Variants in CFAP20DC observed in about 807,000 individuals in gnomAD.
The protein encoded by CFAP20DC is protein CFAP20DC.
CFAP20DC carries 84 observed loss-of-function variants against 101.7 expected under a neutral mutation model. That is an observed-to-expected ratio of 0.83 (90% CI 0.69 to 0.99). CFAP20DC has a LOEUF of 0.99. Among genes scored for constraint, CFAP20DC ranks in the 50% least tolerant of loss-of-function variants. The probability of loss-of-function intolerance (pLI) is 0.00; values close to 1 mark genes in which losing one functional copy is unlikely to be tolerated. For synonymous variants in CFAP20DC, 359 were observed against 351.2 expected (o/e 1.02, Z -0.25); for missense variants, 1,007 against 970.3 (o/e 1.04, Z -0.50).
chr3:58,783,170 A>G (rs1209329611), intron 15 of CFAP20DC, among the ~76,000 whole-genome samples: 1 of 152,038 alleles, frequency 6.6e-6, no homozygotes, highest in East Asian at 1.9e-4. Flanking sequence ...CCAAGAACAT[A>G]CATTCAGGAA....
intron 12 of CFAP20DC, among the ~76,000 whole-genome samples, chr3:58,854,467 C>T (rs1205025103): frequency 1.3e-5 from 2 of 151,844 alleles, no homozygotes; most frequent in African/African-American, 4.8e-5. Context: ...ACTTTCTTCA[C>T]AGAATTGGAA....
At chr3:59,033,433 A>G (rs1362257842) in intron 4 of CFAP20DC, among the ~76,000 whole-genome samples, 1 of 152,170 alleles carries the variant, frequency 6.6e-6, no homozygotes, top group Non-Finnish European at 1.5e-5. Context: ...TACCCAATGC[A>G]AGGAAGCTAA....
At chr3:58,811,712 A>C (rs967990864) in intron 14 of CFAP20DC, among the ~76,000 whole-genome samples, 4 of 152,144 alleles carry the variant, frequency 2.6e-5, no homozygotes, top group Admixed American at 1.3e-4. Context: ...AATGGGATCT[A>C]ATTAAACTAA....
rs1266171178 is a variant in CFAP20DC, at chr3:59,006,956, A to G, written c.278+32601T>C. ...AAGCTTATGGCCTGGGGCAGGTCTG[A>G]GTTTTGTGAGCAGGCTAACTGGAGC... On this transcript the variant is annotated intron_variant, in intron 4 of 16. Transcript: ENST00000482387. This position sits in a 1 kb window ranked among gnomAD's most constrained non-coding sequence, Gnocchi z 4.3. Among the ~76,000 whole-genome samples, 1 of 152,144 alleles carries G rather than the reference A, an allele frequency of 6.6e-6. No homozygotes were observed. The highest frequency in any genetic ancestry group is 2.4e-5 in the African/African-American group (1 of 41,442).
intron 5 of CFAP20DC, among the ~76,000 whole-genome samples, chr3:58,917,628 A>G (rs767133555): frequency 6.6e-6 from 1 of 152,202 alleles, no homozygotes; most frequent in Non-Finnish European, 1.5e-5. Context: ...TTGTGTCTTT[A>G]AAAATAATTT....
At chr3:58,902,019 A>C (rs1299916445) in intron 6 of CFAP20DC, among the ~76,000 whole-genome samples, 2 of 152,030 alleles carry the variant, frequency 1.3e-5, no homozygotes, top group African/African-American at 2.4e-5. Context: ...ACATTATGTG[A>C]CCTTTTTTTG....
intron 7 of CFAP20DC, among the ~76,000 whole-genome samples, chr3:58,883,193 C>T (rs2081353709): frequency 6.6e-6 from 1 of 152,206 alleles, no homozygotes; most frequent in Non-Finnish European, 1.5e-5. Flanking sequence ...CTGAGTCTTG[C>T]CAGTTTTCCT....
chr3:58,852,689 A>C (rs368716126), intron 12 of CFAP20DC, among the ~76,000 whole-genome samples: 3 of 150,394 alleles, frequency 2.0e-5, no homozygotes, highest in African/African-American at 4.9e-5. Context: ...CTCACTCAAA[A>C]CCGCTCAACT....
At chr3:58,856,029 GAA>G (rs947389220) in intron 12 of CFAP20DC, among the ~76,000 whole-genome samples, 1 of 150,058 alleles carries the variant, frequency 6.7e-6, no homozygotes, top group African/African-American at 2.5e-5. Flanking sequence ...ATGACTGTAG[GAA>G]AAAAAACTTC....
At chr3:59,018,535 AG>A (rs2093735806) in intron 4 of CFAP20DC, 1 of 152,116 alleles carries the variant, frequency 6.6e-6, no homozygotes, top group Non-Finnish European at 1.5e-5. Context: ...ATCACTTTAT[AG>A]TACATTTCAC....
At chr3:58,916,828 T>A (rs890462662) in intron 5 of CFAP20DC, among the ~76,000 whole-genome samples, 4 of 152,174 alleles carry the variant, frequency 2.6e-5, no homozygotes, top group African/African-American at 9.7e-5. Flanking sequence ...TTCATATAAA[T>A]GCTGTGATAT....
intron 15 of CFAP20DC, among the ~76,000 whole-genome samples, chr3:58,761,483 C>G (rs2069588746): frequency 1.3e-5 from 2 of 152,276 alleles, no homozygotes; most frequent in East Asian, 3.9e-4. Flanking sequence ...TCTCAAAAAA[C>G]CAGCTCCTGG....
intron 14 of CFAP20DC, among the ~76,000 whole-genome samples, chr3:58,825,569 T>C (rs1438678154): frequency 6.6e-6 from 1 of 150,624 alleles, no homozygotes; most frequent in East Asian, 1.9e-4. Flanking sequence ...CATGGCTTTA[T>C]GCTATTGTCA....
intron 15 of CFAP20DC, among the ~76,000 whole-genome samples, chr3:58,781,973 A>G (rs913037999): frequency 1.3e-5 from 2 of 152,056 alleles, no homozygotes; most frequent in African/African-American, 4.8e-5. Flanking sequence ...CACAACAAAG[A>G]TAAGAAAACT....
intron 4 of CFAP20DC, among the ~76,000 whole-genome samples, chr3:59,010,603 A>G (rs1160375937): frequency 6.6e-6 from 1 of 152,188 alleles, no homozygotes; most frequent in Non-Finnish European, 1.5e-5. Flanking sequence ...TGACAACACA[A>G]TAATAATGGG....
At chr3:58,906,605 G>T (rs58297913) in intron 6 of CFAP20DC, among the ~76,000 whole-genome samples, 15,224 of 151,946 alleles carry the variant, frequency 0.1, 2,507 homozygotes, top group African/African-American at 0.35. Flanking sequence ...TTTCATTGTT[G>T]GGAAAATAAT....
intron 3 of CFAP20DC, among the ~76,000 whole-genome samples, chr3:59,044,726 T>G (rs1342374344): frequency 6.6e-6 from 1 of 152,016 alleles, no homozygotes; most frequent in Non-Finnish European, 1.5e-5. Context: ...GCATACATAC[T>G]GAGGGCATTA....
chr3:58,855,608 G>A (rs1011751363), intron 12 of CFAP20DC, among the ~76,000 whole-genome samples: 2 of 151,910 alleles, frequency 1.3e-5, no homozygotes, highest in Non-Finnish European at 2.9e-5. Context: ...ATGATAGAAT[G>A]GATTAAGAAA....
At chr3:58,982,624 G>A (rs376892117) in intron 4 of CFAP20DC, among the ~76,000 whole-genome samples, 5 of 146,216 alleles carry the variant, frequency 3.4e-5, no homozygotes, top group East Asian at 4.1e-4. Flanking sequence ...AACAAACACC[G>A]CATGTTCTCA....
Sources: allele counts gnomAD v4.1 joint callset (sites outside exome capture counted in the v4.1 genomes callset), GRCh38; gene constraint gnomAD v4.1.1; non-coding constraint Gnocchi (gnomAD v3.1); transcripts MANE v1.5; gene names NCBI Gene and HGNC (gene_info 2026-07-23, HGNC 2026-07-21).